The following SULF1 variants were observed in gnomAD, a reference collection of about 807,000 sequenced individuals.
SULF1 encodes the protein sulfatase 1, also known as extracellular sulfatase Sulf-1.
Under a neutral mutation model 110.5 loss-of-function variants are expected in SULF1, and 46 were observed. The observed-to-expected ratio is 0.42, with a 90% CI of 0.33 to 0.53. SULF1 has a LOEUF of 0.53. SULF1 is among the 20% of genes least tolerant of loss of function. The pLI, the probability that SULF1 is intolerant of heterozygous loss-of-function variation, is 0.12. For synonymous variants in SULF1, 371 were observed against 387.1 expected (o/e 0.96, Z 0.49); for missense variants, 941 against 1,094.2 (o/e 0.86, Z 1.98).
intron 3 of SULF1, among the ~76,000 whole-genome samples, chr8:69,559,329 G>A (rs971994079): frequency 6.6e-6 from 1 of 152,144 alleles, no homozygotes; most frequent in African/African-American, 2.4e-5. Flanking sequence ...GTAAGATTTT[G>A]TAGCACTGTG....
chr8:69,606,613 C>T (rs912648182), intron 13 of SULF1, among the ~76,000 whole-genome samples: 2 of 152,208 alleles, frequency 1.3e-5, no homozygotes, highest in Admixed American at 6.5e-5. Flanking sequence ...TTACAAACCT[C>T]TCCATATGGC....
chr8:69,646,108 C>G (rs1221517552), intron 22 of SULF1, among the ~76,000 whole-genome samples: 1 of 151,986 alleles, frequency 6.6e-6, no homozygotes, highest in African/African-American at 2.4e-5. Context: ...ATGTGGTCAC[C>G]CTAGTTACAT....
chr8:69,509,059 A>G (rs997035751), intron 3 of SULF1, among the ~76,000 whole-genome samples: 1 of 152,176 alleles, frequency 6.6e-6, no homozygotes, highest in Non-Finnish European at 1.5e-5. Context: ...TACTTGTCCC[A>G]TTTCCCTCAC....
At chr8:69,504,653 A>C (rs1349484793) in intron 3 of SULF1, among the ~76,000 whole-genome samples, 5 of 152,180 alleles carry the variant, frequency 3.3e-5, no homozygotes, top group Non-Finnish European at 7.4e-5. Flanking sequence ...AAATCTATGG[A>C]TTCTGTATGA....
intron 1 of SULF1, among the ~76,000 whole-genome samples, chr8:69,477,059 T>C (rs1451976108): frequency 6.6e-6 from 1 of 152,172 alleles, no homozygotes; most frequent in Non-Finnish European, 1.5e-5. Context: ...TAAGTTCAGA[T>C]TTCAATTCAA....
At chr8:69,596,702 G>A (rs113377055) in intron 8 of SULF1, among the ~76,000 whole-genome samples, 1,989 of 152,220 alleles carry the variant, frequency 0.013, 14 homozygotes, top group Middle Eastern at 0.041. Flanking sequence ...GAGCTATCCC[G>A]GTGCATTATT....
chr8:69,640,110 A>G (rs985597629), intron 21 of SULF1, among the ~76,000 whole-genome samples: 1 of 136,988 alleles, frequency 7.3e-6, no homozygotes, highest in Admixed American at 7.5e-5. Context: ...AGAGAGAGAG[A>G]GGAAGGAAGA....
intron 3 of SULF1, among the ~76,000 whole-genome samples, chr8:69,541,390 C>T (rs1813848920): frequency 6.6e-6 from 1 of 152,158 alleles, no homozygotes; most frequent in South Asian, 2.1e-4. Flanking sequence ...GCATCTAACT[C>T]CCATCTGTGG....
chr8:69,506,917 TG>T lies in SULF1; in HGVS notation c.-134+4950del, dbSNP rs1376493224. Among the ~76,000 whole-genome samples, 6 of 152,324 alleles carry T rather than the reference TG, an allele frequency of 3.9e-5. No individual in the cohort carries two copies. In the East Asian group the frequency reaches 1.2e-3, roughly 29 times the overall value. ...AAATCAGCTCACACAACAATGGTCT[TG>T]TTCTATGCTCAAAAGCGCAAGTTGG... is the stretch of plus-strand genomic sequence containing the variant. On this transcript the variant is annotated intron_variant, in intron 3 of 22. Transcript: ENST00000402687.
At chr8:69,492,321 G>C (rs1487411467), upstream of SULF1, among the ~76,000 whole-genome samples, 1 of 151,704 alleles carries the variant, frequency 6.6e-6, no homozygotes, top group Non-Finnish European at 1.5e-5. Context: ...AGAGAGGAGA[G>C]ACCCAGAGAG....
chr8:69,477,073 T>C (rs780335301), intron 1 of SULF1, among the ~76,000 whole-genome samples: 1 of 152,196 alleles, frequency 6.6e-6, no homozygotes, highest in African/African-American at 2.4e-5. Flanking sequence ...AATTCAAGAT[T>C]CTACTCCTAC....
In SULF1 at chr8:69,645,426, G is replaced by A. The variant is rs1382434110; in HGVS notation, c.2585+4585G>A. Among the ~76,000 whole-genome samples the A allele has an allele frequency of 2.6e-5, 4 of 152,254 alleles. No individual in the cohort carries two copies. The South Asian group carries it at 6.2e-4, about 24-fold the overall frequency. On this transcript the variant is annotated intron_variant, in intron 22 of 22. Coordinates refer to ENST00000402687, the MANE Select transcript of SULF1 (RefSeq NM_001128205.2). ...GTTCCAATATATAGGGGGAAAATGT[G>A]CCCTCATTCATCCATGCAACATATA...
chr8:69,498,221 A>T (rs1354288949), intron 2 of SULF1, among the ~76,000 whole-genome samples: 3 of 152,250 alleles, frequency 2.0e-5, no homozygotes, highest in Middle Eastern at 3.4e-3. Context: ...GACTTAAGCA[A>T]AAGAAAGGGA....
chr8:69,571,061 A>C (rs534569181), intron 5 of SULF1, among the ~76,000 whole-genome samples: 21 of 152,270 alleles, frequency 1.4e-4, no homozygotes, highest in Non-Finnish European at 2.9e-4. Flanking sequence ...GTGAGGAGTC[A>C]GTGTGTGTAG....
At chr8:69,602,248 C>T (rs1807886928) in intron 10 of SULF1, among the ~76,000 whole-genome samples, 1 of 152,092 alleles carries the variant, frequency 6.6e-6, no homozygotes, top group Admixed American at 6.6e-5. Context: ...TTTTGAAAAG[C>T]TGGCTTTTCT....
intron 3 of SULF1, among the ~76,000 whole-genome samples, chr8:69,506,906 A>G (rs1013253052): frequency 2.0e-5 from 3 of 152,224 alleles, no homozygotes; most frequent in African/African-American, 7.2e-5. Context: ...CAGCTCACAC[A>G]ACAATGGTCT....
At chr8:69,626,572 C>G (rs1167899532) in intron 15 of SULF1, among the ~76,000 whole-genome samples, 2 of 152,230 alleles carry the variant, frequency 1.3e-5, no homozygotes, top group Non-Finnish European at 2.9e-5. Context: ...GCACAGGAGC[C>G]CATGGAGTGG....
chr8:69,486,651 G>T (rs1469028328), intron 1 of SULF1, among the ~76,000 whole-genome samples: 1 of 152,156 alleles, frequency 6.6e-6, no homozygotes, highest in Non-Finnish European at 1.5e-5. Context: ...GCAACACCGT[G>T]CCTATTAAGA....
Position 69,636,534 on chromosome 8 carries a change from C to T in SULF1, c.2285-1968C>T, listed in dbSNP as rs185528431. 4.5e-3 allele frequency among the ~76,000 whole-genome samples: 670 copies of T among 147,886 alleles called. 5 individuals carry two copies. The highest frequency in any genetic ancestry group is 0.017 in the African/African-American group (642 of 37,944). ...CCTGGGCGACAGAGCGATACTCCAT[C>T]TCAAGAAAAAAAAAAAAATTGTGCT... is the stretch of plus-strand genomic sequence containing the variant. On this transcript the variant is annotated intron_variant, in intron 19 of 22. Coordinates refer to ENST00000402687, the MANE Select transcript of SULF1 (RefSeq NM_001128205.2).
Sources: gnomAD v4.1 joint callset for allele counts (sites outside exome capture counted in the v4.1 genomes callset) on GRCh38, gnomAD v4.1.1 for gene constraint, MANE v1.5 for transcripts, NCBI Gene and HGNC (gene_info 2026-07-23, HGNC 2026-07-21) for gene names.